Variants in RPS24 observed in about 807,000 individuals in gnomAD.
The protein encoded by RPS24 is small ribosomal subunit protein eS24.
For missense variants in RPS24, 100 were observed against 162.5 expected, an observed-to-expected ratio of 0.62 and a Z score of 2.09; for synonymous variants, 72 against 55.6, an observed-to-expected ratio of 1.30 and a Z score of -1.31.
chr10:78,037,069 C>G, intron 3 of RPS24, 125 bp from the exon 4 acceptor site: 8 of 1,145,532 alleles, frequency 7.0e-6, no homozygotes, highest in Non-Finnish European at 1.0e-5. Flanking sequence ...ATTAAATGTA[C>G]TTGAAAAGTT....
At chr10:78,056,702 G>A (rs1848152108) in exon 5 of RPS24, 1 of 152,214 alleles carries the variant, frequency 6.6e-6, no homozygotes, top group South Asian at 2.1e-4. Flanking sequence ...GCAGGGCAGA[G>A]CTGAGAGAAC....
In RPS24 at chr10:78,052,711, T is replaced by A. The variant is rs551975572; in HGVS notation, c.391-1820T>A. Among the ~76,000 whole-genome samples, 9 of 152,110 alleles carry A rather than the reference T, an allele frequency of 5.9e-5. No homozygotes were observed. The South Asian group carries it at 1.7e-3, about 28-fold the overall frequency. ...TGGGGGCTGCCTTGAGATGATGGGG[T>A]GTAAGCCCTGTTTAGCTGGAAATGA... On this transcript the variant is annotated intron_variant, in intron 4 of 4. Coordinates refer to the RPS24 transcript ENST00000440692.
chr10:78,037,318 A>G lies in RPS24; in HGVS notation c.390+14A>G, dbSNP rs1158604804. 4.4e-6 allele frequency: 7 copies of G among 1,581,588 alleles called. No homozygotes were observed. The highest frequency in any genetic ancestry group is 6.0e-6 in the Non-Finnish European group (7 of 1,163,116). On this transcript the variant is annotated intron_variant, in intron 4 of 5. Coordinates refer to ENST00000372360, the MANE Select transcript of RPS24 (RefSeq NM_033022.4). ...GCTGGCAAAAAGGTATAGTTCATTA[A>G]GGAAAATATAGAAACGTCATTAATT... is the stretch of plus-strand genomic sequence containing the variant.
At position 78,054,764 on chromosome 10, in the gene RPS24, G is replaced by A. The variant is rs995675873; in HGVS notation, c.624G>A (p.Ala208=). 3.6e-5 allele frequency: 56 copies of A among 1,551,572 alleles called. No individual in the cohort carries two copies. The highest frequency in any genetic ancestry group is 4.3e-5 in the Non-Finnish European group (49 of 1,146,998). Residue 208 remains alanine (A), a synonymous_variant, in exon 5 of 5, where the codon GCG becomes GCA. Coordinates refer to the RPS24 transcript ENST00000440692. ...AAAACAGAGAACAGTGCTGCCAGGC[G>A]TGCCTTTTGGAGAGGGCACTGGTCA...
Position 78,047,291 on chromosome 10 carries a change from C to A in RPS24, c.391-7240C>A, listed in dbSNP as rs144178435. 3.9e-3 allele frequency among the ~76,000 whole-genome samples: 590 copies of A among 152,206 alleles called. 3 individuals carry two copies. The highest frequency in any genetic ancestry group is 0.013 in the African/African-American group (557 of 41,558). Reference sequence around the variant, plus strand: ...AGAACCTGTGTTTTGATAAGCTCTCCAGGTGATTCAGATGCATGCTAAAGT... The same window carrying A: ...AGAACCTGTGTTTTGATAAGCTCTCAAGGTGATTCAGATGCATGCTAAAGT... On this transcript the variant is annotated intron_variant, in intron 4 of 4. Coordinates refer to the RPS24 transcript ENST00000440692.
chr10:78,035,302 G>A, intron 1 of RPS24, 50 bp from the exon 2 acceptor site: 1 of 1,556,690 alleles, frequency 6.4e-7, no homozygotes. Flanking sequence ...TCACAGCAAG[G>A]CCAAGAAAAG....
intron 4 of RPS24, chr10:78,037,902 C>CTTTTTTTTT (rs55902139): frequency 9.7e-5 from 37 of 379,930 alleles, no homozygotes; most frequent in Admixed American, 2.1e-4. Flanking sequence ...GTTCTGTGAA[C>CTTTTTTTTT]TTTTTTTTTT....
At chr10:78,054,690 A>T (rs1276674644) in exon 5 of RPS24, 1 of 1,551,494 alleles carries the variant, frequency 6.4e-7, no homozygotes, top group African/African-American at 1.4e-5. Context: ...CAGATTGCGG[A>T]GGGGCTGTGG....
exon 5 of RPS24, chr10:78,054,536 G>A: frequency 6.5e-7 from 1 of 1,536,648 alleles, no homozygotes; most frequent in African/African-American, 1.4e-5. Flanking sequence ...TGCAGATGAG[G>A]GAATTGGGGC....
At chr10:78,053,374 G>A (rs1225008503) in intron 4 of RPS24, among the ~76,000 whole-genome samples, 1 of 151,976 alleles carries the variant, frequency 6.6e-6, no homozygotes, top group Non-Finnish European at 1.5e-5. Flanking sequence ...AATGCCCAGA[G>A]CCTGTATGTC....
chr10:78,035,956 A>G, intron 3 of RPS24: 2 of 525,210 alleles, frequency 3.8e-6, no homozygotes, highest in Non-Finnish European at 3.4e-6. Flanking sequence ...GAGATGGGCT[A>G]GGGGTAAGGA....
At position 78,037,073 on chromosome 10, in the gene RPS24, A is replaced by G. The variant is rs1446995982; in HGVS notation, c.280-121A>G. On this transcript the variant is annotated intron_variant, in intron 3 of 5. Transcript: ENST00000372360. ...CAAAAACATGCATTAAATGTACTTG[A>G]AAAGTTTTGGTTTAGAAAGCTGTGT... 2.2e-5 allele frequency: 27 copies of G among 1,205,024 alleles called. 1 individual carries two copies. The Admixed American group carries it at 6.1e-4, about 27-fold the overall frequency. The allele number at this position is 1,205,024 out of a possible 1,614,324, so 74.6% of individuals were successfully genotyped here. A position where few individuals can be genotyped will look rare whatever the true frequency, so the allele number is the denominator to read the frequency against.
At chr10:78,035,285 T>G in intron 1 of RPS24, 67 bp from the exon 2 acceptor site, 1 of 1,492,614 alleles carries the variant, frequency 6.7e-7, no homozygotes, top group Non-Finnish European at 9.3e-7. Flanking sequence ...TTCTAGGTCT[T>G]GGAAAATCAC....
chr10:78,037,444 A>G, intron 4 of RPS24, 140 bp downstream of exon 4: 2 of 1,356,378 alleles, frequency 1.5e-6, no homozygotes, highest in Non-Finnish European at 2.0e-6. Context: ...TACAGAAGGT[A>G]ACATGTTTTA....
At chr10:78,034,285 A>G (rs1273650691) in intron 1 of RPS24, 2 of 343,352 alleles carry the variant, frequency 5.8e-6, no homozygotes, top group Admixed American at 4.3e-5. Context: ...CAAGAGGTGA[A>G]GAAGGTGCGG....
chr10:78,035,922 AG>A, intron 3 of RPS24: 1 of 587,194 alleles, frequency 1.7e-6, no homozygotes, highest in South Asian at 1.9e-5. Context: ...TGAGTTCAGA[AG>A]GGCAGCTGAA....
chr10:78,037,395 CTT>C (rs1847895551), intron 4 of RPS24, 91 bp downstream of exon 4: 2 of 1,499,430 alleles, frequency 1.3e-6, no homozygotes, highest in Non-Finnish European at 1.8e-6. Flanking sequence ...TTTAAAATAA[CTT>C]TTCTTAATGT....
In RPS24 at chr10:78,035,563, G is replaced by A. The variant is rs751857347; in HGVS notation, c.122G>A (p.Arg41Gln). The A allele has an allele frequency of 8.1e-6, 13 of 1,614,026 alleles. No individual in the cohort carries two copies. In the East Asian group the frequency reaches 2.5e-4, roughly 30 times the overall value. ...GKATVPKTEI[R>Q]EKLAKMYKTT... ...GCGACAGTGCCTAAGACAGAAATTCGGGAAAAACTAGCCAAAATGTACAAG... is the reference window on the plus strand; with the variant it reads ...GCGACAGTGCCTAAGACAGAAATTCAGGAAAAACTAGCCAAAATGTACAAG... Residue 41 changes from arginine (R) to glutamine (Q), a missense_variant, in exon 3 of 6, where the codon CGG becomes CAG. By Grantham distance (43) the Arg-to-Gln change is conservative. Transcript: ENST00000372360.
At chr10:78,037,571 C>G in intron 4 of RPS24, 3 of 452,294 alleles carry the variant, frequency 6.6e-6, no homozygotes, top group Non-Finnish European at 1.2e-5. Context: ...TGGTGGGCAC[C>G]TTTCAAGCCT....
Sources: gnomAD v4.1 joint callset for allele counts (sites outside exome capture counted in the v4.1 genomes callset) on GRCh38, gnomAD v4.1.1 for gene constraint, MANE v1.5 for transcripts, NCBI Gene and HGNC (gene_info 2026-07-23, HGNC 2026-07-21) for gene names.